Variants in CEP55 observed in about 807,000 individuals in gnomAD.
CEP55 encodes centrosomal protein of 55 kDa.
A neutral mutation model predicts 63.2 loss-of-function variants in CEP55; 57 were observed. The ratio of observed to expected loss-of-function variants is 0.90; its 90% CI spans 0.73 to 1.13. The LOEUF is 1.13. CEP55 is among the 50% of genes most tolerant of loss of function. The pLI is 0.00. For synonymous variants in CEP55, 178 were observed against 191.6 expected, an observed-to-expected ratio of 0.93 and a Z score of 0.59; for missense variants, 456 against 518.9, an observed-to-expected ratio of 0.88 and a Z score of 1.18.
Position 93,528,367 on chromosome 10 carries a change from A to G in CEP55, c.*214A>G, listed in dbSNP as rs918134214. The G allele has an allele frequency of 3.7e-5, 21 of 574,482 alleles. No homozygotes were observed. The highest frequency in any genetic ancestry group is 3.2e-4 in the African/African-American group (17 of 53,168). The allele number at this position is 574,482 out of a possible 1,614,324, so 35.6% of individuals were successfully genotyped here. On this transcript the variant is annotated 3_prime_UTR_variant, in exon 9 of 9. Transcript: ENST00000371485. ...CATGGTTCATCATCAGGCTGCAATGACAGAATGTGGTGAGCAGCGTCTACT... is the reference window on the plus strand; with the variant it reads ...CATGGTTCATCATCAGGCTGCAATGGCAGAATGTGGTGAGCAGCGTCTACT...
At chr10:93,519,905 G>T (rs1378411462) in intron 8 of CEP55, 98 bp downstream of exon 8, 1 of 1,315,748 alleles carries the variant, frequency 7.6e-7, no homozygotes, top group Admixed American at 1.7e-5. Context: ...CACACAGCTA[G>T]CTGTATCTCA....
chr10:93,511,726 C>T (rs1242045520), intron 4 of CEP55, among the ~76,000 whole-genome samples: 2 of 151,902 alleles, frequency 1.3e-5, no homozygotes, highest in East Asian at 2.0e-4. Flanking sequence ...CCTCAGCGTC[C>T]GGAGTAGCTG....
intron 5 of CEP55, 119 bp downstream of exon 5, chr10:93,515,674 A>G (rs2134481452): frequency 1.2e-5 from 12 of 1,034,820 alleles, no homozygotes; most frequent in Non-Finnish European, 1.6e-5. Context: ...AGCAAGTCTT[A>G]TAGCCCTGAA....
At chr10:93,514,366 T>C (rs565500140) in intron 4 of CEP55, among the ~76,000 whole-genome samples, 7 of 152,260 alleles carry the variant, frequency 4.6e-5, no homozygotes, top group Non-Finnish European at 8.8e-5. Context: ...GAGTTTTTAA[T>C]TGGGTTATAA....
chr10:93,518,691 C>T (rs142096171), intron 6 of CEP55, among the ~76,000 whole-genome samples, 186 bp from the exon 7 acceptor site: 72 of 152,246 alleles, frequency 4.7e-4, no homozygotes, highest in African/African-American at 7.5e-4. Flanking sequence ...TCGGCAAGGG[C>T]GGTGGTATAC....
At chr10:93,521,792 T>C (rs570102440) in intron 8 of CEP55, among the ~76,000 whole-genome samples, 1 of 152,272 alleles carries the variant, frequency 6.6e-6, no homozygotes, top group Non-Finnish European at 1.5e-5. Flanking sequence ...TTCACCAATA[T>C]TCGCTGTTCT....
At position 93,509,907 on chromosome 10, in the gene CEP55, A is replaced by G. The variant is rs113649929; in HGVS notation, c.528+2851A>G. Among the ~76,000 whole-genome samples the G allele has an allele frequency of 3.5e-4, 53 of 152,358 alleles. 1 individual carries two copies. The highest frequency in any genetic ancestry group is 1.0e-3 in the African/African-American group (43 of 41,576). ...GGACTTAGGGAACATGGAAAGAGACATCTCACTTCTTGCAGCACCGACACT... is the reference window on the plus strand; with the variant it reads ...GGACTTAGGGAACATGGAAAGAGACGTCTCACTTCTTGCAGCACCGACACT... On this transcript the variant is annotated intron_variant, in intron 4 of 8. Transcript: ENST00000371485.
Position 93,515,413 on chromosome 10 carries a change from G to A in CEP55, c.537G>A (p.Glu179=), listed in dbSNP as rs2057793355. ...EMEIQLKDAL[E]KNQQWLVYDQ... is the part of the protein sequence containing the mutation. ...TTCATCTTCCCATTAAGGCTCTGGA[G>A]AAAAATCAGCAGTGGCTCGTGTATG... Residue 179 remains glutamate, a synonymous_variant, in exon 5 of 9, where the codon GAG becomes GAA. Transcript: ENST00000371485. 3.1e-6 allele frequency: 5 copies of A among 1,588,600 alleles called. No individual in the cohort carries two copies. The highest frequency in any genetic ancestry group is 1.1e-5 in the South Asian group (1 of 89,640).
chr10:93,518,712 C>A (rs2057827697), intron 6 of CEP55, among the ~76,000 whole-genome samples, 165 bp from the exon 7 acceptor site: 1 of 152,214 alleles, frequency 6.6e-6, no homozygotes, highest in African/African-American at 2.4e-5. Context: ...TGCTTAGCTG[C>A]TGGCATAGAT....
chr10:93,515,696 C>A lies in CEP55; in HGVS notation c.679+141C>A, dbSNP rs997498081. On this transcript the variant is annotated intron_variant, in intron 5 of 8. Transcript: ENST00000371485. ...CTTATAGCCCTGAAGTAAGAAATAC[C>A]ATTTTTGCAAGTTTTATTTCCTAAC... 3.7e-6 allele frequency: 3 copies of A among 803,152 alleles called. No homozygotes were observed. In the Admixed American group the frequency reaches 8.9e-5, roughly 24 times the overall value. 49.8% of individuals were successfully genotyped at this position (803,152 alleles called of 1,614,324 possible).
intron 5 of CEP55, among the ~76,000 whole-genome samples, chr10:93,516,058 G>A (rs1039332537): frequency 6.6e-6 from 1 of 152,172 alleles, no homozygotes; most frequent in Non-Finnish European, 1.5e-5. Flanking sequence ...TCTTAGTGGA[G>A]TTTTAGAGCA....
In CEP55 at chr10:93,528,474, G is replaced by T; in HGVS notation, c.*321G>T. On this transcript the variant is annotated 3_prime_UTR_variant, in exon 9 of 9. Transcript: ENST00000371485. ...TTATTGCTAATGGGTTAATGCACCA[G>T]CAAGCAAAATATTTTATGTTTTGGG... 1 of 223,236 alleles carries T rather than the reference G, an allele frequency of 4.5e-6. No individual in the cohort carries two copies. Among genetic ancestry groups the T allele is most frequent in the Non-Finnish European group, 8.5e-6 (1 of 117,310 alleles). The allele number at this position is 223,236 out of a possible 1,614,324, so 13.8% of individuals were successfully genotyped here. A position where few individuals can be genotyped will look rare whatever the true frequency, so the allele number is the denominator to read the frequency against.
intron 4 of CEP55, among the ~76,000 whole-genome samples, chr10:93,509,779 C>A (rs2057725841): frequency 6.6e-6 from 1 of 152,192 alleles, no homozygotes; most frequent in African/African-American, 2.4e-5. Flanking sequence ...AGTCATTACA[C>A]CCAGCCAGAA....
Position 93,519,820 on chromosome 10 carries a change from T to C in CEP55, c.1191+13T>C, listed in dbSNP as rs375494096. ...GTTGGAATCCTTGGTGAGTCTGGAA[T>C]GATTAAACTAAAATTTGTCTTCGTC... On this transcript the variant is annotated intron_variant, in intron 8 of 8. Coordinates refer to ENST00000371485, the MANE Select transcript of CEP55 (RefSeq NM_018131.5). The C allele has an allele frequency of 4.3e-5, 70 of 1,613,862 alleles. No individual in the cohort carries two copies. In the African/African-American group the frequency reaches 7.6e-4, roughly 18 times the overall value.
intron 3 of CEP55, among the ~76,000 whole-genome samples, chr10:93,505,482 T>C (rs2057679407): frequency 6.6e-6 from 1 of 152,106 alleles, no homozygotes; most frequent in Non-Finnish European, 1.5e-5. Context: ...GGAACATGGC[T>C]CCACTAACCA....
intron 3 of CEP55, among the ~76,000 whole-genome samples, chr10:93,504,651 T>G (rs11187483): frequency 0.77 from 117,726 of 151,998 alleles, 46,819 homozygotes; most frequent in Middle Eastern, 0.88. Context: ...GTTCAAAAAG[T>G]TGAAGTTTTT....
chr10:93,504,639 G>A (rs2057669566), intron 3 of CEP55, among the ~76,000 whole-genome samples: 1 of 152,070 alleles, frequency 6.6e-6, no homozygotes, highest in Non-Finnish European at 1.5e-5. Flanking sequence ...TTCTGCAGAT[G>A]AGTTCAAAAA....
In CEP55 at chr10:93,500,073, G is replaced by T. The variant is rs1024816244; in HGVS notation, c.22G>T (p.Asp8Tyr). The T allele has an allele frequency of 1.4e-5, 22 of 1,608,490 alleles. No individual in the cohort carries two copies. The highest frequency in any genetic ancestry group is 1.2e-4 in the South Asian group (11 of 90,280). Residue 8 changes from aspartate (D) to tyrosine (Y), a missense_variant, in exon 2 of 9, where the codon GAT becomes TAT. Asp to Tyr is a radical substitution (Grantham distance 160). Transcript: ENST00000371485. ...AGAGATGTCTTCCAGAAGTACCAAA[G>T]ATTTAATTAAAAGTAAGTGGGGATC... MSSRSTK[D>Y]LIKSKWGSKP...
chr10:93,509,804 G>A (rs1589650589), intron 4 of CEP55, among the ~76,000 whole-genome samples: 2 of 152,254 alleles, frequency 1.3e-5, no homozygotes, highest in East Asian at 3.9e-4. Context: ...TATTTGAGGA[G>A]CAAGAAGTGG....
Sources: allele counts gnomAD v4.1 joint callset (sites outside exome capture counted in the v4.1 genomes callset), GRCh38; gene constraint gnomAD v4.1.1; transcripts MANE v1.5; gene names NCBI Gene and HGNC (gene_info 2026-07-23, HGNC 2026-07-21).